LRBA: variants seen among roughly 807,000 people sequenced by gnomAD.
The protein encoded by LRBA is lipopolysaccharide-responsive and beige-like anchor protein.
In LRBA, 176 loss-of-function variants were observed where a neutral mutation model predicts 330.0. The observed-to-expected ratio is 0.53, with a 90% CI of 0.47 to 0.60. LRBA has a LOEUF of 0.60. Among genes scored for constraint, LRBA ranks in the 20% least tolerant of loss-of-function variants. LRBA has a pLI of 0.00. For missense variants in LRBA, 3,259 were observed against 3,444.8 expected (o/e 0.95, Z 1.35); for synonymous variants, 1,230 against 1,193.0 (o/e 1.03, Z -0.64).
intron 47 of LRBA, among the ~76,000 whole-genome samples, chr4:150,382,961 G>C (rs967197851): frequency 3.9e-5 from 6 of 152,140 alleles, no homozygotes; most frequent in Non-Finnish European, 8.8e-5. Flanking sequence ...TGGTAAACAA[G>C]TACTGAAATA....
intron 38 of LRBA, chr4:150,596,977 C>T (rs1020458330): frequency 1.1e-5 from 6 of 550,518 alleles, no homozygotes; most frequent in South Asian, 5.0e-5. Context: ...GAATCTCCTA[C>T]ACATTTAGAT....
chr4:150,876,764 T>C (rs187274056), intron 17 of LRBA, among the ~76,000 whole-genome samples: 101 of 152,302 alleles, frequency 6.6e-4, no homozygotes, highest in African/African-American at 2.3e-3. Flanking sequence ...AAAATACATG[T>C]ACGTAGCTTG....
chr4:150,801,127 T>A (rs1441947070), intron 33 of LRBA, among the ~76,000 whole-genome samples: 1 of 152,198 alleles, frequency 6.6e-6, no homozygotes, highest in Non-Finnish European at 1.5e-5. Context: ...ATTTATTTTT[T>A]AAAATAGGAT....
chr4:150,717,418 T>C (rs1582133970), intron 36 of LRBA, among the ~76,000 whole-genome samples: 1 of 151,936 alleles, frequency 6.6e-6, no homozygotes, highest in African/African-American at 2.4e-5. Flanking sequence ...CTCATATATG[T>C]AATCCCACCA....
At position 150,415,441 on chromosome 4, in the gene LRBA, T is replaced by C. The variant is rs1747599447; in HGVS notation, c.7191A>G (p.Arg2397=). Residue 2397 remains arginine, a synonymous_variant, in exon 47 of 57, where the codon AGA becomes AGG. Transcript: ENST00000651943. ...KTSEEFVHIN[R]LALESEFVSC... is the part of the protein sequence containing the mutation. ...GAGTAGATGATTATTATCTTACCAATCTGTTTATGTGAACAAATTCTTCTG... is the reference window on the plus strand; with the variant it reads ...GAGTAGATGATTATTATCTTACCAACCTGTTTATGTGAACAAATTCTTCTG... The C allele has an allele frequency of 6.2e-7, 1 of 1,612,526 alleles. No homozygotes were observed.
intron 37 of LRBA, among the ~76,000 whole-genome samples, chr4:150,661,894 A>G (rs530890726): frequency 1.7e-4 from 26 of 152,290 alleles, no homozygotes; most frequent in Admixed American, 5.2e-4. Flanking sequence ...TGCTGGGATT[A>G]CAGGCATGAG....
intron 35 of LRBA, among the ~76,000 whole-genome samples, chr4:150,748,099 T>C (rs1425197092): frequency 6.6e-6 from 1 of 152,198 alleles, no homozygotes; most frequent in Non-Finnish European, 1.5e-5. Context: ...CAAGAAATAA[T>C]CTTTGATTTT....
At chr4:150,699,298 G>A (rs181421315) in intron 36 of LRBA, among the ~76,000 whole-genome samples, 6 of 152,132 alleles carry the variant, frequency 3.9e-5, no homozygotes, top group African/African-American at 7.2e-5. Context: ...TGAATCCTAG[G>A]AGATGCAATA....
intron 37 of LRBA, among the ~76,000 whole-genome samples, chr4:150,663,538 C>A (rs547052934): frequency 6.6e-6 from 1 of 151,186 alleles, no homozygotes; most frequent in Admixed American, 6.6e-5. Flanking sequence ...GTTCTACTCA[C>A]CCCACTTATG....
chr4:150,507,365 G>C (rs2152125347), intron 40 of LRBA, among the ~76,000 whole-genome samples: 1 of 152,194 alleles, frequency 6.6e-6, no homozygotes, highest in South Asian at 2.1e-4. Flanking sequence ...GCATGGTACT[G>C]GTATCAAAAC....
intron 37 of LRBA, among the ~76,000 whole-genome samples, chr4:150,663,150 A>C (rs370791676): frequency 2.0e-5 from 3 of 152,212 alleles, no homozygotes; most frequent in Admixed American, 6.5e-5. Flanking sequence ...CTTGATATAA[A>C]ATTTATTTAA....
intron 53 of LRBA, among the ~76,000 whole-genome samples, chr4:150,293,675 ATAAATGT>A (rs1187912188): frequency 3.3e-5 from 5 of 152,236 alleles, no homozygotes; most frequent in African/African-American, 1.2e-4. Flanking sequence ...TATGATACAT[ATAAATGT>A]TGGTAACACG....
chr4:150,829,471 C>T (rs1369033268), intron 29 of LRBA, among the ~76,000 whole-genome samples: 1 of 152,200 alleles, frequency 6.6e-6, no homozygotes, highest in African/African-American at 2.4e-5. Flanking sequence ...ATCTTGCTAA[C>T]TCCAATGGTC....
intron 42 of LRBA, among the ~76,000 whole-genome samples, chr4:150,484,969 T>G (rs1463089983): frequency 6.6e-6 from 1 of 151,984 alleles, no homozygotes; most frequent in Non-Finnish European, 1.5e-5. Flanking sequence ...TTTCTGTAAC[T>G]GATTTCTGGT....
At chr4:150,957,162 G>T (rs1737629221) in intron 2 of LRBA, among the ~76,000 whole-genome samples, 1 of 148,692 alleles carries the variant, frequency 6.7e-6, no homozygotes, top group African/African-American at 2.6e-5. Context: ...TGAAGGAGTA[G>T]CTTGTATTAG....
intron 6 of LRBA, 27 bp downstream of exon 6, chr4:150,916,590 A>G: frequency 6.2e-7 from 1 of 1,603,648 alleles, no homozygotes; most frequent in Non-Finnish European, 8.5e-7. Context: ...TAAGGTTTTA[A>G]CACTAATCAG....
intron 22 of LRBA, among the ~76,000 whole-genome samples, chr4:150,858,835 T>C (rs543125888): frequency 1.3e-5 from 2 of 152,162 alleles, no homozygotes; most frequent in Non-Finnish European, 2.9e-5. Context: ...TTTGTAACTT[T>C]TGAAATTTCT....
At chr4:150,611,045 A>C (rs965947115) in intron 37 of LRBA, among the ~76,000 whole-genome samples, 2 of 152,172 alleles carry the variant, frequency 1.3e-5, no homozygotes, top group Non-Finnish European at 2.9e-5. Context: ...AGTCTTCAAA[A>C]TGATAGGATC....
At chr4:150,822,823 T>A (rs1745657048) in intron 30 of LRBA, among the ~76,000 whole-genome samples, 1 of 152,142 alleles carries the variant, frequency 6.6e-6, no homozygotes, top group Admixed American at 6.6e-5. Context: ...ACACTTTGGA[T>A]CACTTGAGGC....
Sources: allele counts gnomAD v4.1 joint callset (sites outside exome capture counted in the v4.1 genomes callset), GRCh38; gene constraint gnomAD v4.1.1; transcripts MANE v1.5; gene names NCBI Gene and HGNC (gene_info 2026-07-23, HGNC 2026-07-21).